Variants in KIAA1549L observed in about 807,000 individuals in gnomAD.
The protein encoded by KIAA1549L is KIAA1549 like, also known as UPF0606 protein KIAA1549L.
A neutral mutation model predicts 160.7 loss-of-function variants in KIAA1549L; 88 were observed. That is an observed-to-expected ratio of 0.55 (90% confidence interval 0.46 to 0.65). KIAA1549L has a LOEUF of 0.65. Ranked by LOEUF, KIAA1549L falls within the 30% of genes least tolerant of loss-of-function variation. The probability of loss-of-function intolerance (pLI) is 0.00; values close to 1 mark genes in which losing one functional copy is unlikely to be tolerated. For missense variants in KIAA1549L, 2,258 were observed against 2,437.5 expected, an observed-to-expected ratio of 0.93 and a Z score of 1.55; for synonymous variants, 950 against 976.7, an observed-to-expected ratio of 0.97 and a Z score of 0.51.
At chr11:33,517,941 A>C (rs1590304449) in intron 1 of KIAA1549L, among the ~76,000 whole-genome samples, 1 of 151,898 alleles carries the variant, frequency 6.6e-6, no homozygotes, top group African/African-American at 2.4e-5. Context: ...GGAGTTCAAG[A>C]CCAGCCTGGC....
At chr11:33,382,519 TGGG>T (rs908990553) in intron 1 of KIAA1549L, among the ~76,000 whole-genome samples, 18 of 152,050 alleles carry the variant, frequency 1.2e-4, no homozygotes, top group Non-Finnish European at 2.4e-4. Context: ...AGCAGAGTCA[TGGG>T]GGAGGTGGGC....
intron 1 of KIAA1549L, among the ~76,000 whole-genome samples, chr11:33,408,491 A>ATG (rs1565124466): frequency 2.2e-5 from 2 of 92,536 alleles, no homozygotes; most frequent in African/African-American, 8.7e-5. Context: ...GTATATGTGT[A>ATG]TATATATATA....
intron 1 of KIAA1549L, among the ~76,000 whole-genome samples, chr11:33,536,037 G>A (rs1201978681): frequency 6.6e-6 from 1 of 152,108 alleles, no homozygotes; most frequent in Admixed American, 6.5e-5. Context: ...TATGTATAAA[G>A]CAAAATTATT....
At chr11:33,591,473 T>G in intron 12 of KIAA1549L, 52 bp downstream of exon 12, 1 of 1,445,066 alleles carries the variant, frequency 6.9e-7, no homozygotes, top group Non-Finnish European at 9.4e-7. Flanking sequence ...GAATAATTGA[T>G]GATGAGAAAA....
rs1217439639 is a variant in KIAA1549L, at chr11:33,672,899, C to T, written c.*4745C>T. 2 of 153,798 alleles carry T rather than the reference C, an allele frequency of 1.3e-5. No homozygotes were observed. Among genetic ancestry groups the T allele is most frequent in the African/African-American group, 4.8e-5 (2 of 41,472 alleles). The allele number at this position is 153,798 out of a possible 1,614,324, so 9.5% of individuals were successfully genotyped here. ...GCTACTAATGTGGCTCACGGCCACACACTTGCATGGATAAGAAAACCAATG... is the reference window on the plus strand; with the variant it reads ...GCTACTAATGTGGCTCACGGCCACATACTTGCATGGATAAGAAAACCAATG... On this transcript the variant is annotated 3_prime_UTR_variant, in exon 21 of 21. Transcript: ENST00000658780.
In KIAA1549L at chr11:33,668,025, C is replaced by T; in HGVS notation, c.6312C>T (p.Ser2104=). The part of the protein sequence containing the change: ...PAPSTAASQQ[S]LAENDPSDAP... ...CCTCCACAGCGGCCTCGCAGCAGAGCCTGGCAGAAAACGACCCGTCTGACG... is the reference window on the plus strand; with the variant it reads ...CCTCCACAGCGGCCTCGCAGCAGAGTCTGGCAGAAAACGACCCGTCTGACG... Residue 2104 remains serine (S), a synonymous_variant, in exon 21 of 21, where the codon AGC becomes AGT. Coordinates refer to ENST00000658780, the MANE Select transcript of KIAA1549L (RefSeq NM_012194.3). The T allele has an allele frequency of 6.2e-7, 1 of 1,614,032 alleles. No individual in the cohort carries two copies.
At chr11:33,561,825 ACTTTT>A in intron 8 of KIAA1549L, 90 bp downstream of exon 8, 1 of 937,144 alleles carries the variant, frequency 1.1e-6, no homozygotes, top group Non-Finnish European at 1.7e-6. Flanking sequence ...TAAGATTGGC[ACTTTT>A]CTTTGCTCCT....
chr11:33,656,493 G>A (rs1482784616), intron 18 of KIAA1549L, among the ~76,000 whole-genome samples: 1 of 152,212 alleles, frequency 6.6e-6, no homozygotes, highest in Non-Finnish European at 1.5e-5. Flanking sequence ...GGGCAGGCAT[G>A]TCTGGGCATC....
rs545793051 is a variant in KIAA1549L, at chr11:33,640,940, C to T, written c.5410-4746C>T. Among the ~76,000 whole-genome samples the T allele has an allele frequency of 1.3e-4, 20 of 152,338 alleles. 1 individual carries two copies. In the South Asian group the frequency reaches 3.9e-3, roughly 30 times the overall value. ...AAAAATACATTCTGTGTCCCAGATA[C>T]GGTCCCAACCCAAGCCAACTGTCAG... On this transcript the variant is annotated intron_variant, in intron 16 of 20. Transcript: ENST00000658780.
At chr11:33,421,426 C>T (rs115468779) in intron 1 of KIAA1549L, among the ~76,000 whole-genome samples, 1,825 of 152,276 alleles carry the variant, frequency 0.012, 35 homozygotes, top group African/African-American at 0.042. Context: ...GTAGGCCAGC[C>T]GCATAGCATC....
chr11:33,435,802 A>ATGTGTGTGTG (rs1197036690), intron 1 of KIAA1549L, among the ~76,000 whole-genome samples: 31 of 16,474 alleles, frequency 1.9e-3, no homozygotes, highest in East Asian at 3.1e-3. Flanking sequence ...ATATATATAT[A>ATGTGTGTGTG]TATATATATG....
At chr11:33,452,614 ATATG>A (rs10551315) in intron 1 of KIAA1549L, among the ~76,000 whole-genome samples, 11,404 of 151,638 alleles carry the variant, frequency 0.075, 1,425 homozygotes, top group African/African-American at 0.26. Context: ...TCTCAAATAA[ATATG>A]TATGTATGTA....
At chr11:33,597,837 G>A (rs1043987091) in intron 12 of KIAA1549L, among the ~76,000 whole-genome samples, 3 of 152,226 alleles carry the variant, frequency 2.0e-5, no homozygotes, top group Non-Finnish European at 2.9e-5. Flanking sequence ...GGGGGAGCCT[G>A]GCTTCCAGGA....
intron 1 of KIAA1549L, among the ~76,000 whole-genome samples, chr11:33,483,808 A>T (rs771197429): frequency 2.0e-5 from 3 of 152,178 alleles, no homozygotes; most frequent in Non-Finnish European, 4.4e-5. Flanking sequence ...TCCCACCATG[A>T]TTGTGAGGCT....
intron 1 of KIAA1549L, among the ~76,000 whole-genome samples, chr11:33,475,720 C>A (rs912656507): frequency 7.3e-5 from 11 of 150,596 alleles, no homozygotes; most frequent in Non-Finnish European, 1.3e-4. Context: ...ATTAGCTAGA[C>A]GTGGTGCACA....
At chr11:33,596,692 T>C (rs1850209886) in intron 12 of KIAA1549L, among the ~76,000 whole-genome samples, 1 of 152,200 alleles carries the variant, frequency 6.6e-6, no homozygotes, top group African/African-American at 2.4e-5. Flanking sequence ...TGAGCCGAGA[T>C]TGCACCACTG....
At chr11:33,562,136 G>T (rs1419487439) in intron 8 of KIAA1549L, among the ~76,000 whole-genome samples, 1 of 152,194 alleles carries the variant, frequency 6.6e-6, no homozygotes, top group African/African-American at 2.4e-5. Context: ...CTCTCCTCTG[G>T]CACAACATGT....
chr11:33,397,757 A>ACAC, intron 1 of KIAA1549L, among the ~76,000 whole-genome samples: 1 of 141,978 alleles, frequency 7.0e-6, no homozygotes, highest in South Asian at 2.3e-4. Flanking sequence ...CACACACACA[A>ACAC]AAGTGAAAAC....
At chr11:33,495,285 C>T (rs1852789206) in intron 1 of KIAA1549L, among the ~76,000 whole-genome samples, 1 of 150,894 alleles carries the variant, frequency 6.6e-6, no homozygotes, top group Non-Finnish European at 1.5e-5. Flanking sequence ...CATCCCCCCA[C>T]CCCACAACAG....
Sources: allele counts gnomAD v4.1 joint callset (sites outside exome capture counted in the v4.1 genomes callset), GRCh38; gene constraint gnomAD v4.1.1; transcripts MANE v1.5; gene names NCBI Gene and HGNC (gene_info 2026-07-23, HGNC 2026-07-21).